The following PHACTR3 variants were observed in gnomAD, a reference collection of about 807,000 sequenced individuals.
PHACTR3 encodes phosphatase and actin regulator 3.
PHACTR3 carries 16 observed loss-of-function variants against 66.8 expected under a neutral mutation model. The ratio of observed to expected loss-of-function variants is 0.24; its 90% confidence interval spans 0.16 to 0.36. The LOEUF (loss-of-function observed/expected upper bound fraction) is 0.36, where lower values mean the gene tolerates loss of function less well. Ranked by LOEUF, PHACTR3 falls within the 10% of genes least tolerant of loss-of-function variation. PHACTR3 has a pLI of 1.00. For missense variants in PHACTR3, 647 were observed against 719.9 expected, an observed-to-expected ratio of 0.90 and a Z score of 1.16; for synonymous variants, 323 against 292.1, an observed-to-expected ratio of 1.11 and a Z score of -1.08.
upstream of PHACTR3, among the ~76,000 whole-genome samples, chr20:59,602,439 CA>C (rs11477953): frequency 0.13 from 10,818 of 85,876 alleles, 675 homozygotes; most frequent in East Asian, 0.36. Flanking sequence ...AAAACTCTTT[CA>C]AAAAAAAAAA....
chr20:59,612,153 G>C (rs1023184871), intron 1 of PHACTR3, among the ~76,000 whole-genome samples: 6 of 152,196 alleles, frequency 3.9e-5, no homozygotes, highest in Non-Finnish European at 5.9e-5. Flanking sequence ...AAAAAAACTA[G>C]TATATTAGTT....
rs149461954 is a variant in PHACTR3, at chr20:59,578,677, C to T, written c.109+1060C>T. Among the ~76,000 whole-genome samples, 675 of 152,246 alleles carry T rather than the reference C, an allele frequency of 4.4e-3. 3 individuals carry two copies. The highest frequency in any genetic ancestry group is 8.1e-3 in the Non-Finnish European group (552 of 68,014). On this transcript the variant is annotated intron_variant, in intron 1 of 12. Coordinates refer to the PHACTR3 transcript ENST00000359926. ...CACTGCCAGGAGCCCTCCTTCCCCA[C>T]GAGGCGGTCATGGTGTAGTCCACAG...
intron 1 of PHACTR3, among the ~76,000 whole-genome samples, chr20:59,628,988 AC>A (rs2034564521): frequency 6.6e-6 from 1 of 152,246 alleles, no homozygotes; most frequent in African/African-American, 2.4e-5. Flanking sequence ...AGTGAGGTTA[AC>A]TAAACCAACT....
chr20:59,582,037 G>A (rs763324697), intron 1 of PHACTR3, among the ~76,000 whole-genome samples: 7 of 152,176 alleles, frequency 4.6e-5, no homozygotes, highest in Non-Finnish European at 8.8e-5. Flanking sequence ...ACACTAGTAT[G>A]TCATGAATAC....
At chr20:59,676,001 G>C (rs1335934610) in intron 1 of PHACTR3, among the ~76,000 whole-genome samples, 1 of 152,152 alleles carries the variant, frequency 6.6e-6, no homozygotes, top group African/African-American at 2.4e-5. Flanking sequence ...AGCATTTTTT[G>C]TTTTCAGGTT....
intron 1 of PHACTR3, among the ~76,000 whole-genome samples, chr20:59,621,889 A>T (rs966802481): frequency 6.6e-6 from 1 of 152,180 alleles, no homozygotes; most frequent in African/African-American, 2.4e-5. Context: ...TTCTTCCCAG[A>T]GACAAGAGGC....
intron 1 of PHACTR3, among the ~76,000 whole-genome samples, chr20:59,711,758 G>T (rs1250876588): frequency 6.6e-6 from 1 of 152,174 alleles, no homozygotes; most frequent in Non-Finnish European, 1.5e-5. Flanking sequence ...CCATTGTAAA[G>T]TTGAAAAGTG....
rs1000598147 is a variant in PHACTR3 at position 59,698,658 on chromosome 20, AT to A, written c.119-44448del. Among the ~76,000 whole-genome samples the A allele has an allele frequency of 1.3e-3, 198 of 152,296 alleles. 2 individuals carry two copies. Among genetic ancestry groups the A allele is most frequent in the African/African-American group, 4.6e-3 (190 of 41,554 alleles). ...AGCTTAGAGAAGGGGAAAAGTTTGG[AT>A]ATCTAATGATTTTTATTTTAAGGTC... On this transcript the variant is annotated intron_variant, in intron 1 of 12. Coordinates refer to ENST00000371015, the MANE Select transcript of PHACTR3 (RefSeq NM_080672.5).
At chr20:59,639,634 A>G (rs2035030088) in intron 1 of PHACTR3, among the ~76,000 whole-genome samples, 1 of 152,176 alleles carries the variant, frequency 6.6e-6, no homozygotes, top group African/African-American at 2.4e-5. Flanking sequence ...TCTATAACTT[A>G]CTAGCTGTGT....
intron 1 of PHACTR3, among the ~76,000 whole-genome samples, chr20:59,622,996 A>AAAAAAAAAAAAAAAAAAAAC (rs1568940612): frequency 1.4e-5 from 2 of 146,434 alleles, no homozygotes; most frequent in African/African-American, 5.1e-5. Context: ...AAAAAAAAAA[A>AAAAAAAAAAAAAAAAAAAAC]AAAAACCCAA....
At position 59,768,206 on chromosome 20, in the gene PHACTR3, C is replaced by T. The variant is rs983636109; in HGVS notation, c.751+811C>T. Among the ~76,000 whole-genome samples, 3 of 152,186 alleles carry T rather than the reference C, an allele frequency of 2.0e-5. No individual in the cohort carries two copies. The East Asian group carries it at 5.8e-4, about 29-fold the overall frequency. Reference sequence around the variant, plus strand: ...GGTATTTTTTATCTGGAATTGACTGCTACAAACAGGACACATTGATGGTCT... The same window carrying T: ...GGTATTTTTTATCTGGAATTGACTGTTACAAACAGGACACATTGATGGTCT... On this transcript the variant is annotated intron_variant, in intron 5 of 12. Transcript: ENST00000371015.
intron 1 of PHACTR3, among the ~76,000 whole-genome samples, chr20:59,674,819 CCCA>C (rs1304132691): frequency 3.0e-5 from 2 of 66,564 alleles, no homozygotes; most frequent in African/African-American, 8.2e-5. Flanking sequence ...TCTCCTGTCC[CCCA>C]CTTCTCCTGT....
At chr20:59,702,049 T>G (rs1214805386) in intron 1 of PHACTR3, among the ~76,000 whole-genome samples, 1 of 152,262 alleles carries the variant, frequency 6.6e-6, no homozygotes, top group African/African-American at 2.4e-5. Flanking sequence ...CTCATTTCTT[T>G]TTATTGTTGC....
chr20:59,729,569 C>T (rs910822164), intron 1 of PHACTR3, among the ~76,000 whole-genome samples: 2 of 152,086 alleles, frequency 1.3e-5, no homozygotes, highest in African/African-American at 4.8e-5. Flanking sequence ...CCTGTGGGCA[C>T]AGAGAAAGTG....
chr20:59,643,158 G>A (rs1373698964), intron 1 of PHACTR3, among the ~76,000 whole-genome samples: 2 of 152,144 alleles, frequency 1.3e-5, no homozygotes, highest in African/African-American at 2.4e-5. Flanking sequence ...TGATCCGCCC[G>A]CCTCGGCCTC....
At chr20:59,839,827 A>G (rs370442748) in intron 9 of PHACTR3, among the ~76,000 whole-genome samples, 5 of 152,348 alleles carry the variant, frequency 3.3e-5, no homozygotes, top group African/African-American at 1.2e-4. Context: ...GATTTGAAAT[A>G]TAGTCTGAAC....
At chr20:59,610,421 C>T (rs543019829) in intron 1 of PHACTR3, among the ~76,000 whole-genome samples, 43 of 152,350 alleles carry the variant, frequency 2.8e-4, no homozygotes, top group African/African-American at 8.9e-4. Flanking sequence ...CGTCCAGCCT[C>T]ACCTGCCTTC....
chr20:59,657,273 GTGTGTGTGTGTT>G (rs2146465841), intron 1 of PHACTR3, among the ~76,000 whole-genome samples: 1 of 152,010 alleles, frequency 6.6e-6, no homozygotes, highest in Non-Finnish European at 1.5e-5. Flanking sequence ...GTGTGTGTGT[GTGTGTGTGTGTT>G]TGTGTGTTAT....
intron 1 of PHACTR3, among the ~76,000 whole-genome samples, chr20:59,735,540 T>C (rs920252945): frequency 3.3e-5 from 5 of 152,022 alleles, no homozygotes; most frequent in African/African-American, 7.2e-5. Flanking sequence ...AGATAAGATA[T>C]CTTAGTGGAT....
Sources: allele counts gnomAD v4.1 joint callset (sites outside exome capture counted in the v4.1 genomes callset), GRCh38; gene constraint gnomAD v4.1.1; transcripts MANE v1.5; gene names NCBI Gene and HGNC (gene_info 2026-07-23, HGNC 2026-07-21).